Variants in VWDE observed in about 807,000 individuals in gnomAD.
VWDE encodes von Willebrand factor D and EGF domain-containing protein.
A neutral mutation model predicts 178.4 loss-of-function variants in VWDE; 207 were observed. That is an observed-to-expected ratio of 1.16 (90% CI 1.04 to 1.30). VWDE has a LOEUF of 1.30. Among genes scored for constraint, VWDE ranks in the 50% most tolerant of loss-of-function variants. VWDE has a pLI of 0.00. For synonymous variants in VWDE, 738 were observed against 651.4 expected (o/e 1.13, Z -2.02); for missense variants, 2,287 against 1,901.3 (o/e 1.20, Z -3.77).
At chr7:12,342,846 C>G (rs1308249024) in intron 22 of VWDE, among the ~76,000 whole-genome samples, 1 of 149,934 alleles carries the variant, frequency 6.7e-6, no homozygotes, top group East Asian at 2.0e-4. Context: ...CCCCACCCCA[C>G]AACAGTCCCC....
At chr7:12,371,745 G>A (rs17190390) in intron 10 of VWDE, among the ~76,000 whole-genome samples, 37,366 of 151,646 alleles carry the variant, frequency 0.25, 4,797 homozygotes, top group African/African-American at 0.28. Context: ...GCATATCTTC[G>A]CCTGTCAATA....
Position 12,340,349 on chromosome 7 carries a change from C to T in VWDE, c.4339G>A (p.Gly1447Arg). The T allele has an allele frequency of 6.4e-7, 1 of 1,551,248 alleles. No homozygotes were observed. The highest frequency in any genetic ancestry group is 8.7e-7 in the Non-Finnish European group (1 of 1,146,758). ...TTCTGACAGTGTTCCCCAAAGAATC[C>T]ATTTGGACAGAGGCAAGTATTTGGC... ...NKPNTCLCPNGFFGEHCQNAF... is the reference protein window; with the variant it reads ...NKPNTCLCPNRFFGEHCQNAF... Residue 1447 changes from glycine to arginine, a missense_variant, in exon 24 of 29, where the codon GGA (glycine) becomes AGA (arginine). By Grantham distance (125) the Gly-to-Arg change is moderately radical. Coordinates refer to ENST00000275358, the MANE Select transcript of VWDE (RefSeq NM_001135924.3).
intron 18 of VWDE, among the ~76,000 whole-genome samples, chr7:12,355,028 T>C (rs546706243): frequency 3.9e-5 from 6 of 152,320 alleles, no homozygotes; most frequent in African/African-American, 1.2e-4. Context: ...GCCTTTATTA[T>C]ACTAAAATTT....
At chr7:12,348,970 G>A (rs372500915) in intron 19 of VWDE, among the ~76,000 whole-genome samples, 2,675 of 151,886 alleles carry the variant, frequency 0.018, 72 homozygotes, top group African/African-American at 0.061. Context: ...GTAAACTATC[G>A]CAAGAACAAA....
intron 7 of VWDE, 147 bp downstream of exon 7, chr7:12,377,629 G>C (rs1783606066): frequency 2.3e-6 from 1 of 436,304 alleles, no homozygotes; most frequent in African/African-American, 2.0e-5. Context: ...GTTTGGCCGA[G>C]TATTAGTAAT....
In VWDE at chr7:12,373,231, T is replaced by A; in HGVS notation, c.1333A>T (p.Lys445Ter). The change falls in exon 10 of 29, where the codon AAG becomes TAG. Residue 445 changes from lysine (K) to a stop codon, truncating the protein, a stop_gained. Transcript: ENST00000275358. LOFTEE classifies it high-confidence loss of function. ...TTATAAAGCACAAATGTTCCAGTCT[T>A]GAAATTATCATATACCCTATCATTA... Reference protein sequence around the residue: ...TFDGRVYDNFKTGTFVLYKSM... With the variant: ...TFDGRVYDNF 1 of 1,551,074 alleles carries A rather than the reference T, an allele frequency of 6.4e-7. No homozygotes were observed. Among genetic ancestry groups the A allele is most frequent in the Non-Finnish European group, 8.7e-7 (1 of 1,146,696 alleles).
In VWDE at chr7:12,370,387, C is replaced by A; in HGVS notation, c.1919G>T (p.Ser640Ile). 6.5e-7 allele frequency: 1 copy of A among 1,550,186 alleles called. No homozygotes were observed. The highest frequency in any genetic ancestry group is 8.7e-7 in the Non-Finnish European group (1 of 1,146,836). The change falls in exon 12 of 29, where the codon AGT (serine) becomes ATT (isoleucine). Residue 640 changes from serine to isoleucine, a missense_variant. Coordinates refer to ENST00000275358, the MANE Select transcript of VWDE (RefSeq NM_001135924.3). ...CAAGGCAATTTCTGATCGAGAAACA[C>A]TGTCCAGATCTTCGGAAGACGGATA... ...AAYPSSEDLD[S>I]VSRSEIALGC...
intron 17 of VWDE, 53 bp from the exon 18 acceptor site, chr7:12,356,383 GT>G: frequency 1.4e-6 from 2 of 1,439,732 alleles, no homozygotes; most frequent in South Asian, 1.3e-5. Context: ...ATTATCTTCA[GT>G]TTATGCCCCA....
chr7:12,401,471 AT>A (rs1490922069), intron 1 of VWDE, among the ~76,000 whole-genome samples: 1 of 152,172 alleles, frequency 6.6e-6, no homozygotes, highest in Non-Finnish European at 1.5e-5. Context: ...CCAAGTACTC[AT>A]TTTTTAAAAT....
chr7:12,333,609 G>T, intron 27 of VWDE, 41 bp from the exon 28 acceptor site: 4 of 1,363,840 alleles, frequency 2.9e-6, no homozygotes, highest in South Asian at 1.2e-5. Flanking sequence ...CCTTTGACAT[G>T]AAATGCTTGT....
chr7:12,386,388 A>G (rs1784101989), intron 3 of VWDE, among the ~76,000 whole-genome samples: 1 of 152,178 alleles, frequency 6.6e-6, no homozygotes, highest in Non-Finnish European at 1.5e-5. Context: ...GCAGCTGTGT[A>G]CAGAATGTGA....
At chr7:12,354,957 T>C (rs1291027169) in intron 18 of VWDE, among the ~76,000 whole-genome samples, 1 of 152,200 alleles carries the variant, frequency 6.6e-6, no homozygotes, top group Non-Finnish European at 1.5e-5. Context: ...GTTGATGTGG[T>C]GCTCTTTGAA....
chr7:12,391,245 T>C (rs1300828168), intron 2 of VWDE, among the ~76,000 whole-genome samples: 1 of 152,210 alleles, frequency 6.6e-6, no homozygotes, highest in Non-Finnish European at 1.5e-5. Context: ...TGTTCTTTAT[T>C]TCCTAAGCTT....
chr7:12,389,397 T>A, intron 2 of VWDE, 39 bp from the exon 3 acceptor site: 2 of 1,416,216 alleles, frequency 1.4e-6, no homozygotes, highest in Non-Finnish European at 1.9e-6. Context: ...AAATTCAGTT[T>A]ATTTTCATCC....
intron 16 of VWDE, among the ~76,000 whole-genome samples, chr7:12,358,404 G>A (rs541643897): frequency 6.6e-6 from 1 of 150,380 alleles, no homozygotes; most frequent in South Asian, 2.1e-4. Flanking sequence ...GGCTATTTTA[G>A]AGGACAGGCA....
chr7:12,381,755 T>C (rs1205552812), intron 4 of VWDE, among the ~76,000 whole-genome samples: 1 of 151,884 alleles, frequency 6.6e-6, no homozygotes, highest in Admixed American at 6.6e-5. Context: ...TTAAATATTA[T>C]ATATCTGAGT....
intron 24 of VWDE, among the ~76,000 whole-genome samples, chr7:12,338,512 T>C (rs949184894): frequency 8.5e-5 from 13 of 152,104 alleles, no homozygotes; most frequent in African/African-American, 3.1e-4. Context: ...TTGCTATAAT[T>C]AATCATCCAC....
At chr7:12,332,879 T>C (rs1176690813) in intron 28 of VWDE, among the ~76,000 whole-genome samples, 2 of 152,282 alleles carry the variant, frequency 1.3e-5, no homozygotes, top group East Asian at 1.9e-4. Context: ...CTGGGGCATT[T>C]TGAAGTGCTA....
Position 12,393,766 on chromosome 7 carries a change from G to C in VWDE, c.71C>G (p.Ser24Cys). Residue 24 changes from serine (S) to cysteine (C), a missense_variant, in exon 2 of 29, where the codon TCT (serine) becomes TGT (cysteine). Transcript: ENST00000275358. Reference sequence around the variant, plus strand: ...CCGAAGAAACTGGTGTCCCCCAGGAGAGCACTCCTGAGCTAGTATGGAAAG... The same window carrying C: ...CCGAAGAAACTGGTGTCCCCCAGGACAGCACTCCTGAGCTAGTATGGAAAG... ...FLAWGEAQEC[S>C]PGGHQFLRSP... 6.5e-7 allele frequency: 1 copy of C among 1,546,866 alleles called. No homozygotes were observed. The highest frequency in any genetic ancestry group is 8.7e-7 in the Non-Finnish European group (1 of 1,145,166).
Sources: allele counts gnomAD v4.1 joint callset (sites outside exome capture counted in the v4.1 genomes callset), GRCh38; gene constraint gnomAD v4.1.1; transcripts MANE v1.5; gene names NCBI Gene and HGNC (gene_info 2026-07-23, HGNC 2026-07-21).